STXBP2: variants seen among roughly 807,000 people sequenced by gnomAD.
STXBP2 encodes syntaxin-binding protein 2.
A neutral mutation model predicts 72.2 loss-of-function variants in STXBP2; 47 were observed. That is an observed-to-expected ratio of 0.65 (90% CI 0.51 to 0.83). The LOEUF (loss-of-function observed/expected upper bound fraction) is 0.83, where lower values mean the gene tolerates loss of function less well. Ranked by LOEUF, STXBP2 falls within the 40% of genes least tolerant of loss-of-function variation. The probability of loss-of-function intolerance (pLI) is 0.00; values close to 1 mark genes in which losing one functional copy is unlikely to be tolerated. For synonymous variants in STXBP2, 367 were observed against 338.7 expected, an observed-to-expected ratio of 1.08 and a Z score of -0.92; for missense variants, 702 against 807.6, an observed-to-expected ratio of 0.87 and a Z score of 1.58.
At chr19:7,632,666 C>A, upstream of STXBP2, 1 of 1,553,998 alleles carries the variant, frequency 6.4e-7, no homozygotes, top group South Asian at 1.2e-5. This position sits in a 1 kb window ranked among gnomAD's most constrained non-coding sequence, Gnocchi z 5.2. Flanking sequence ...TTGCCCTGCA[C>A]TCCCACCCCG....
the STXBP2 span, chr19:7,630,863 T>C: frequency 6.5e-7 from 1 of 1,537,224 alleles, no homozygotes; most frequent in South Asian, 1.2e-5. Context: ...GATCTCTTCT[T>C]CCTGCCAGAG....
At position 7,647,223 on chromosome 19, in the gene STXBP2, C is replaced by G. The variant is rs375024471; in HGVS notation, c.1514C>G (p.Thr505Arg). Reference protein sequence around the residue: ...LWPFVSDPAPTASSQAAVSAR... With the variant: ...LWPFVSDPAPRASSQAAVSAR... ...CCCTTCGTATCCGACCCCGCCCCCA[C>G]GGCCAGCTCCCAGGCCGCTGTCAGG... Residue 505 changes from threonine to arginine, a missense_variant, in exon 17 of 19, where the codon ACG (threonine) becomes AGG (arginine). Coordinates refer to ENST00000221283, the MANE Select transcript of STXBP2 (RefSeq NM_006949.4). 48 of 1,611,604 alleles carry G rather than the reference C, an allele frequency of 3.0e-5. No homozygotes were observed. The African/African-American group carries it at 4.1e-4, about 14-fold the overall frequency.
At chr19:7,640,359 TGTGTATGC>T in intron 4 of STXBP2, 1 of 558,352 alleles carries the variant, frequency 1.8e-6, no homozygotes, top group East Asian at 4.1e-5. Flanking sequence ...TCTGTGCATG[TGTGTATGC>T]GTGTGTGTGC....
chr19:7,645,917 T>C, intron 15 of STXBP2: 1 of 430,932 alleles, frequency 2.3e-6, no homozygotes, highest in Non-Finnish European at 4.3e-6. Context: ...TCTGTCCCCA[T>C]CTTCCTCTCT....
rs1288484218 is a variant in STXBP2 at position 7,646,303 on chromosome 19, C to T, written c.1411C>T (p.Gln471Ter). The change falls in exon 16 of 19, where the codon CAG becomes TAG. Residue 471 changes from glutamine (Q) to a stop codon, truncating the protein, a stop_gained. Coordinates refer to ENST00000221283, the MANE Select transcript of STXBP2 (RefSeq NM_006949.4). LOFTEE classifies it high-confidence loss of function. The stretch of plus-strand genomic sequence containing the variant: ...GAGAGAACGCATGGAGCCCACCTAT[C>T]AGCTGTCCCGCTGGACCCCGGTCAT... ...EPRERMEPTY[Q>*]LSRWTPVIKD... 1.9e-6 allele frequency: 3 copies of T among 1,611,620 alleles called. No individual in the cohort carries two copies. The highest frequency in any genetic ancestry group is 1.1e-5 in the South Asian group (1 of 90,434).
upstream of STXBP2, chr19:7,633,352 A>G (rs2031411642): frequency 2.0e-6 from 3 of 1,510,394 alleles, no homozygotes; most frequent in East Asian, 2.4e-5. Flanking sequence ...AGTCTTGTCA[A>G]TCATGGGCTC....
intron 4 of STXBP2, chr19:7,640,390 G>C (rs1451869678): frequency 3.4e-6 from 2 of 591,552 alleles, no homozygotes; most frequent in African/African-American, 1.9e-5. Flanking sequence ...ATCAGTGTCT[G>C]CATGTGTGTA....
At chr19:7,632,951 A>C (rs1230371689), upstream of STXBP2, 1 of 1,474,980 alleles carries the variant, frequency 6.8e-7, no homozygotes. This position sits in a 1 kb window ranked among gnomAD's most constrained non-coding sequence, Gnocchi z 5.2. Context: ...CTCAGCTCTC[A>C]CCATGGTCCC....
At chr19:7,640,833 T>A (rs935723308) in intron 5 of STXBP2, 24 bp downstream of exon 5, 30 of 1,613,916 alleles carry the variant, frequency 1.9e-5, no homozygotes, top group African/African-American at 2.7e-5. Flanking sequence ...GCCTAGGGTG[T>A]TGGTGGGTGG....
At position 7,640,132 on chromosome 19, in the gene STXBP2, A is replaced by ATG. The variant is rs141190969; in HGVS notation, c.246+334_246+335dup. On this transcript the variant is annotated intron_variant, in intron 4 of 18. Transcript: ENST00000221283. ...TGCATGTGTGTATGCGTGTGTATGTATGTGTGTGTGCATCTGTGTGCATCT... is the reference window on the plus strand; with the variant it reads ...TGCATGTGTGTATGCGTGTGTATGTATGTGTGTGTGTGCATCTGTGTGCATCT... 8.2e-4 allele frequency: 438 copies of ATG among 531,880 alleles called. 7 individuals are homozygous for ATG. The highest frequency in any genetic ancestry group is 7.7e-3 in the African/African-American group (352 of 45,698). The allele number at this position is 531,880 out of a possible 1,614,324, so 32.9% of individuals were successfully genotyped here.
chr19:7,639,483 T>C (rs2031699820), intron 3 of STXBP2: 2 of 589,824 alleles, frequency 3.4e-6, no homozygotes, highest in Admixed American at 5.4e-5. Flanking sequence ...GGATAGGTGC[T>C]GAGGGAGCCT....
At chr19:7,644,397 G>A in intron 13 of STXBP2, 1 of 607,394 alleles carries the variant, frequency 1.6e-6, no homozygotes, top group East Asian at 2.9e-5. Flanking sequence ...CTGTGTGTAG[G>A]TGGGTGGGGC....
the STXBP2 span, chr19:7,631,704 C>CGG: frequency 6.9e-7 from 1 of 1,442,840 alleles, no homozygotes; most frequent in Non-Finnish European, 9.1e-7. Context: ...GGGCTTGTGT[C>CGG]GGGGGCTGGG....
Position 7,642,501 on chromosome 19 carries a change from G to A in STXBP2, c.867G>A (p.Val289=), listed in dbSNP as rs370931810. The A allele has an allele frequency of 3.7e-6, 6 of 1,613,950 alleles. No homozygotes were observed. The highest frequency in any genetic ancestry group is 1.3e-5 in the African/African-American group (1 of 74,938). ...TGGACGAGGACGATGACTTGTGGGT[G>A]GAGCTTCGCCACATGCATATCGCAG... ...VLLDEDDDLW[V]ELRHMHIADV... The change falls in exon 10 of 19, where the codon GTG becomes GTA. Residue 289 remains valine, a synonymous_variant. Transcript: ENST00000221283. This position sits in a 1 kb window ranked among gnomAD's most constrained non-coding sequence, Gnocchi z 6.0.
chr19:7,642,474 G>C lies in STXBP2; in HGVS notation c.840G>C (p.Leu280Phe). 1 of 1,614,048 alleles carries C rather than the reference G, an allele frequency of 6.2e-7. No homozygotes were observed. The highest frequency in any genetic ancestry group is 8.5e-7 in the Non-Finnish European group (1 of 1,180,032). Residue 280 changes from leucine (L) to phenylalanine (F), a missense_variant, in exon 10 of 19, where the codon TTG becomes TTC. Leu to Phe is a conservative substitution (Grantham distance 22). Coordinates refer to ENST00000221283, the MANE Select transcript of STXBP2 (RefSeq NM_006949.4). The surrounding 1 kb of genome is among the most constrained non-coding windows in gnomAD (Gnocchi z 6.0). The part of the protein sequence containing the change: ...GLSEAREKAV[L>F]LDEDDDLWVE... ...GCGAGGCGCGGGAGAAGGCCGTCTT[G>C]CTGGACGAGGACGATGACTTGTGGG...
chr19:7,631,076 C>T, the STXBP2 span: 5 of 733,874 alleles, frequency 6.8e-6, no homozygotes, highest in African/African-American at 7.1e-5. Flanking sequence ...GGCATGGTGG[C>T]AGGCGCCTAT....
chr19:7,639,883 T>G (rs752523129), intron 4 of STXBP2, 76 bp downstream of exon 4: 4 of 1,412,778 alleles, frequency 2.8e-6, no homozygotes, highest in Admixed American at 1.8e-5. Context: ...TCTGCATGCA[T>G]GTGATTGCAT....
intron 4 of STXBP2, chr19:7,640,420 G>A (rs1178283322): frequency 1.6e-6 from 1 of 629,222 alleles, no homozygotes; most frequent in Non-Finnish European, 2.9e-6. Flanking sequence ...ATGTATGTGT[G>A]CGCGCGCATC....
intron 18 of STXBP2, 24 bp downstream of exon 18, chr19:7,647,535 T>A: frequency 1.3e-6 from 2 of 1,577,040 alleles, no homozygotes; most frequent in African/African-American, 1.4e-5. Context: ...ACTGGGACCC[T>A]GGGGTCTGGG....
Sources: allele counts gnomAD v4.1 joint callset, GRCh38; gene constraint gnomAD v4.1.1; non-coding constraint Gnocchi (gnomAD v3.1); transcripts MANE v1.5; gene names NCBI Gene and HGNC (gene_info 2026-07-23, HGNC 2026-07-21).